Variants in THSD7B observed in about 807,000 individuals in gnomAD.
THSD7B encodes the protein thrombospondin type-1 domain-containing protein 7B.
THSD7B carries 138 observed loss-of-function variants against 213.6 expected under a neutral mutation model. The observed-to-expected ratio is 0.65, with a 90% CI of 0.56 to 0.74. The LOEUF is 0.74. THSD7B is among the 30% of genes least tolerant of loss of function. The pLI, the probability that THSD7B is intolerant of heterozygous loss-of-function variation, is 0.00. For missense variants in THSD7B, 1,931 were observed against 1,991.5 expected, an observed-to-expected ratio of 0.97 and a Z score of 0.58; for synonymous variants, 742 against 687.0, an observed-to-expected ratio of 1.08 and a Z score of -1.25.
chr2:136,771,885 G>A (rs777719839), intron 1 of THSD7B, among the ~76,000 whole-genome samples: 3 of 152,014 alleles, frequency 2.0e-5, no homozygotes, highest in Non-Finnish European at 4.4e-5. Flanking sequence ...GTAAGGTAAG[G>A]CTTACCAATA....
chr2:136,881,943 A>C lies in THSD7B; in HGVS notation c.-35-201A>C, dbSNP rs927563942. ...TTCATTCATGAATACACTTCACTAC[A>C]AAAAATAATACAAAACATGGTAAAA... On this transcript the variant is annotated intron_variant, in intron 1 of 27. Coordinates refer to ENST00000409968, the MANE Select transcript of THSD7B (RefSeq NM_001316349.2). Among the ~76,000 whole-genome samples, 6 of 152,178 alleles carry C rather than the reference A, an allele frequency of 3.9e-5. 1 individual carries two copies. The South Asian group carries it at 1.2e-3, about 32-fold the overall frequency.
intron 20 of THSD7B, among the ~76,000 whole-genome samples, chr2:137,622,379 G>C (rs1682537111): frequency 6.6e-6 from 1 of 152,028 alleles, no homozygotes; most frequent in Non-Finnish European, 1.5e-5. Flanking sequence ...CAAAAAACAA[G>C]TTATTTGCTT....
At chr2:136,882,090 T>A (rs1241731424) in intron 1 of THSD7B, 54 bp from the exon 2 acceptor site, 10 of 1,333,128 alleles carry the variant, frequency 7.5e-6, no homozygotes, top group Non-Finnish European at 9.7e-6. Context: ...CAAAATGAGT[T>A]GTTATCTTTT....
At chr2:136,891,734 T>C (rs1441880651) in intron 2 of THSD7B, among the ~76,000 whole-genome samples, 1 of 152,182 alleles carries the variant, frequency 6.6e-6, no homozygotes, top group Non-Finnish European at 1.5e-5. Context: ...AGAGCTGAAG[T>C]CCAGAACAAC....
chr2:137,333,164 A>T (rs1369034604), intron 12 of THSD7B, among the ~76,000 whole-genome samples: 1 of 152,080 alleles, frequency 6.6e-6, no homozygotes, highest in Non-Finnish European at 1.5e-5. Context: ...AAGAGTTTAG[A>T]ACTAATCCTG....
chr2:137,253,264 C>G (rs192601187), intron 10 of THSD7B, among the ~76,000 whole-genome samples: 48 of 151,900 alleles, frequency 3.2e-4, no homozygotes, highest in African/African-American at 1.1e-3. Context: ...ACCAACATAC[C>G]AAAGAAAACA....
chr2:137,265,853 A>T (rs978823403), intron 10 of THSD7B, among the ~76,000 whole-genome samples: 22 of 152,224 alleles, frequency 1.4e-4, no homozygotes, highest in Admixed American at 2.0e-4. Flanking sequence ...TTAAGCTAAG[A>T]TAATAGGTAT....
intron 13 of THSD7B, among the ~76,000 whole-genome samples, chr2:137,406,852 C>T (rs1007824064): frequency 6.6e-6 from 1 of 152,178 alleles, no homozygotes; most frequent in African/African-American, 2.4e-5. Context: ...TGATTTTATG[C>T]AACATTGCTT....
intron 3 of THSD7B, among the ~76,000 whole-genome samples, chr2:137,074,240 A>G (rs1257407737): frequency 6.6e-6 from 1 of 152,022 alleles, no homozygotes. Context: ...GTAGGTCACT[A>G]AGGACTTGCT....
intron 4 of THSD7B, among the ~76,000 whole-genome samples, chr2:137,102,518 A>C (rs1688170497): frequency 6.6e-6 from 1 of 152,202 alleles, no homozygotes; most frequent in Non-Finnish European, 1.5e-5. Context: ...GCAGGGGAAC[A>C]AAACTGGATG....
At chr2:137,234,007 CA>C (rs1681703727) in intron 9 of THSD7B, among the ~76,000 whole-genome samples, 1 of 152,312 alleles carries the variant, frequency 6.6e-6, no homozygotes, top group South Asian at 2.1e-4. Flanking sequence ...AGGCAACATA[CA>C]GTGCCTCCCC....
chr2:137,577,650 C>T (rs1056844369), intron 17 of THSD7B, among the ~76,000 whole-genome samples: 13 of 152,184 alleles, frequency 8.5e-5, no homozygotes, highest in Admixed American at 7.9e-4. Flanking sequence ...TCTTCTTCCC[C>T]CACTTCTCTT....
At chr2:136,908,362 A>G (rs1362519774) in intron 2 of THSD7B, among the ~76,000 whole-genome samples, 1 of 152,224 alleles carries the variant, frequency 6.6e-6, no homozygotes, top group African/African-American at 2.4e-5. Flanking sequence ...CAAGAAAACT[A>G]TGAGATTATC....
chr2:137,655,854 G>A (rs1347862751), intron 22 of THSD7B, among the ~76,000 whole-genome samples, 194 bp downstream of exon 22: 2 of 152,062 alleles, frequency 1.3e-5, no homozygotes, highest in African/African-American at 4.8e-5. Flanking sequence ...GAAAAAAAAA[G>A]GCACTGGATT....
At chr2:137,016,826 T>A (rs1020330424) in intron 2 of THSD7B, among the ~76,000 whole-genome samples, 1 of 152,210 alleles carries the variant, frequency 6.6e-6, no homozygotes, top group Admixed American at 6.5e-5. Flanking sequence ...AAACATTTAA[T>A]GTAAATACTT....
intron 4 of THSD7B, among the ~76,000 whole-genome samples, chr2:137,100,708 G>A (rs981716625): frequency 7.2e-5 from 11 of 151,918 alleles, no homozygotes; most frequent in Non-Finnish European, 1.0e-4. Context: ...TTATACACTC[G>A]GCACTTTATT....
At chr2:137,191,955 G>T (rs1233901988) in intron 7 of THSD7B, among the ~76,000 whole-genome samples, 1 of 152,132 alleles carries the variant, frequency 6.6e-6, no homozygotes, top group Non-Finnish European at 1.5e-5. Context: ...GATATTTGGG[G>T]TGTTCCAGTT....
intron 12 of THSD7B, among the ~76,000 whole-genome samples, chr2:137,386,594 A>T (rs926470854): frequency 2.6e-5 from 4 of 152,224 alleles, no homozygotes; most frequent in African/African-American, 9.6e-5. Context: ...TCAGGAAAGT[A>T]ATTTCAGTGT....
chr2:137,624,556 A>G (rs1278708866), intron 20 of THSD7B, among the ~76,000 whole-genome samples: 1 of 152,172 alleles, frequency 6.6e-6, no homozygotes, highest in African/African-American at 2.4e-5. Flanking sequence ...ATGGGAGAAA[A>G]TTTTCACAGT....
Sources: gnomAD v4.1 joint callset for allele counts (sites outside exome capture counted in the v4.1 genomes callset) on GRCh38, gnomAD v4.1.1 for gene constraint, MANE v1.5 for transcripts, NCBI Gene and HGNC (gene_info 2026-07-23, HGNC 2026-07-21) for gene names.